The following PTPRB variants were observed in gnomAD, a reference collection of about 807,000 sequenced individuals.
The protein encoded by PTPRB is receptor-type tyrosine-protein phosphatase beta.
PTPRB carries 97 observed loss-of-function variants against 238.1 expected under a neutral mutation model. The ratio of observed to expected loss-of-function variants is 0.41; its 90% confidence interval spans 0.35 to 0.48. The LOEUF is 0.48. Ranked by LOEUF, PTPRB falls within the 20% of genes least tolerant of loss-of-function variation. PTPRB has a pLI of 0.30. For missense variants in PTPRB, 2,292 were observed against 2,681.9 expected (o/e 0.85, Z 3.21); for synonymous variants, 970 against 995.4 (o/e 0.97, Z 0.48).
chr12:70,543,614 G>A (rs1315524645), intron 22 of PTPRB, among the ~76,000 whole-genome samples: 2 of 152,144 alleles, frequency 1.3e-5, no homozygotes, highest in East Asian at 1.9e-4. Context: ...CATGCAGCAC[G>A]AGAGACAGTT....
At position 70,596,219 on chromosome 12, in the gene PTPRB, T is replaced by C. The variant is rs761258616; in HGVS notation, c.1088A>G (p.Gln363Arg). Reference protein sequence around the residue: ...SSGKVTSYEVQLFDENNQKIQ... With the variant: ...SSGKVTSYEVRLFDENNQKIQ... ...CTTTTGGTTATTTTCATCAAATAATTGCACCTCATATGAGGTGACTTTTCC... is the reference window on the plus strand; with the variant it reads ...CTTTTGGTTATTTTCATCAAATAATCGCACCTCATATGAGGTGACTTTTCC... Residue 363 changes from glutamine (Q) to arginine (R), a missense_variant, in exon 5 of 34, where the codon CAA (glutamine) becomes CGA (arginine). Physicochemically the swap from Gln to Arg is conservative, Grantham distance 43 (BLOSUM62 1). This residue lies in a region of PTPRB where 1,205 missense variants were observed against 1,287.8 expected (regional missense o/e 0.94). Coordinates refer to ENST00000334414, the MANE Select transcript of PTPRB (RefSeq NM_001109754.4). 34 of 1,613,606 alleles carry C rather than the reference T, an allele frequency of 2.1e-5. No individual in the cohort carries two copies. Among genetic ancestry groups the C allele is most frequent in the Non-Finnish European group, 2.6e-5 (31 of 1,179,822 alleles).
rs930934603 is a variant in PTPRB at position 70,532,678 on chromosome 12, G to A, written c.6369-508C>T. 4.6e-5 allele frequency among the ~76,000 whole-genome samples: 7 copies of A among 150,894 alleles called. 1 individual carries two copies. The South Asian group carries it at 1.5e-3, about 32-fold the overall frequency. On this transcript the variant is annotated intron_variant, in intron 31 of 33. Transcript: ENST00000334414. Reference sequence around the variant, plus strand: ...TCCGTCCTTCACAGGGTCTTGCTCTGTTGCCCAGGCTGGAGTGCAGTGGCA... The same window carrying A: ...TCCGTCCTTCACAGGGTCTTGCTCTATTGCCCAGGCTGGAGTGCAGTGGCA...
Position 70,534,894 on chromosome 12 carries a change from A to T in PTPRB, c.6143T>A (p.Leu2048Gln). The T allele has an allele frequency of 6.2e-7, 1 of 1,613,966 alleles. No homozygotes were observed. Among genetic ancestry groups the T allele is most frequent in the Non-Finnish European group, 8.5e-7 (1 of 1,179,854 alleles). ...CAGGACGGACTCTGAGAGCATCTGC[A>T]GGATGAGGTCCCCATAGTAGAGGGA... ...QDSLYYGDLI[L>Q]QMLSESVLPE... The change falls in exon 30 of 34, where the codon CTG (leucine) becomes CAG (glutamine). Residue 2048 changes from leucine to glutamine, a missense_variant. Around this residue, in one of 4 missense-constraint regions of PTPRB, gnomAD observed 397 missense variants for 502.0 expected, o/e 0.79. Transcript: ENST00000334414.
chr12:70,534,734 T>A (rs1873826910), intron 30 of PTPRB, 83 bp from the exon 31 acceptor site: 1 of 1,597,718 alleles, frequency 6.3e-7, no homozygotes, highest in Non-Finnish European at 8.6e-7. Context: ...GAGCAACTCC[T>A]ATGGGCTGAA....
At chr12:70,634,508 A>G (rs1885595651) in intron 2 of PTPRB, among the ~76,000 whole-genome samples, 1 of 152,166 alleles carries the variant, frequency 6.6e-6, no homozygotes, top group Admixed American at 6.5e-5. Context: ...TTTGTTACAT[A>G]GGTAAACGTG....
intron 21 of PTPRB, among the ~76,000 whole-genome samples, chr12:70,547,468 C>A (rs1214620167): frequency 6.7e-6 from 1 of 150,268 alleles, no homozygotes; most frequent in Non-Finnish European, 1.5e-5. Flanking sequence ...ATAAGAGTTT[C>A]TTATTTATAA....
chr12:70,622,332 A>C, intron 3 of PTPRB, 58 bp downstream of exon 3: 1 of 1,578,754 alleles, frequency 6.3e-7, no homozygotes, highest in Non-Finnish European at 8.6e-7. Context: ...AAGTCTTTTC[A>C]AGCAATGAGC....
intron 4 of PTPRB, chr12:70,608,675 T>C (rs1036050843): frequency 2.3e-5 from 4 of 173,422 alleles, no homozygotes; most frequent in African/African-American, 7.2e-5. Context: ...AGGAAAGGCA[T>C]ACCCCTAATA....
In PTPRB at chr12:70,555,161, A is replaced by G. The variant is rs754647113; in HGVS notation, c.5142T>C (p.Asp1714=). ...TGGAGTTAACTCATGATAACTTACC[A>G]TCAGCCTCTCTCACCACCACTGTGA... ...KYFTVVVREA[D]GSDELKPEQQ... is the part of the protein sequence containing the mutation. The change falls in exon 20 of 34, where the codon GAT becomes GAC. Residue 1714 remains aspartate (D), a splice_region_variant and synonymous_variant. Transcript: ENST00000334414. 6.2e-7 allele frequency: 1 copy of G among 1,613,468 alleles called. No individual in the cohort carries two copies. Among genetic ancestry groups the G allele is most frequent in the Non-Finnish European group, 8.5e-7 (1 of 1,179,622 alleles).
At chr12:70,577,656 A>G in intron 10 of PTPRB, among the ~76,000 whole-genome samples, 1 of 152,234 alleles carries the variant, frequency 6.6e-6, no homozygotes, top group East Asian at 1.9e-4. Flanking sequence ...TATAATGGAC[A>G]GGATTTGGCT....
At chr12:70,581,666 A>G (rs540237910) in intron 9 of PTPRB, among the ~76,000 whole-genome samples, 1 of 152,250 alleles carries the variant, frequency 6.6e-6, no homozygotes, top group East Asian at 1.9e-4. Flanking sequence ...AAAGCTATCT[A>G]ATCTACCTGA....
intron 28 of PTPRB, among the ~76,000 whole-genome samples, chr12:70,537,540 T>C (rs1874358364): frequency 6.6e-6 from 1 of 152,068 alleles, no homozygotes; most frequent in Non-Finnish European, 1.5e-5. Flanking sequence ...AATTTCTAAG[T>C]GTTTATTGAG....
intron 27 of PTPRB, 80 bp from the exon 28 acceptor site, chr12:70,538,311 G>T: frequency 1.7e-6 from 2 of 1,197,134 alleles, no homozygotes; most frequent in Non-Finnish European, 2.4e-6. Flanking sequence ...CCTTAGCTCT[G>T]ATCCCCACAA....
Position 70,564,368 on chromosome 12 carries a change from C to T in PTPRB, c.3905-1261G>A, listed in dbSNP as rs145072313. On this transcript the variant is annotated intron_variant, in intron 15 of 33. Transcript: ENST00000334414. Reference sequence around the variant, plus strand: ...CTCTACTAAAAATATAAAAATTAGCCGGGTGTAGTGGTGCATACCTGTAGT... The same window carrying T: ...CTCTACTAAAAATATAAAAATTAGCTGGGTGTAGTGGTGCATACCTGTAGT... Among the ~76,000 whole-genome samples the T allele has an allele frequency of 7.3e-3, 1,106 of 151,608 alleles. 3 individuals are homozygous for T. Among genetic ancestry groups the T allele is most frequent in the South Asian group, 0.019 (89 of 4,782 alleles).
chr12:70,538,524 A>T, intron 27 of PTPRB: 1 of 451,256 alleles, frequency 2.2e-6, no homozygotes, highest in Non-Finnish European at 3.9e-6. Context: ...GAATGAATAC[A>T]ATCCAGAAAA....
chr12:70,522,022 T>C (rs987841044), intron 33 of PTPRB, among the ~76,000 whole-genome samples: 4 of 152,126 alleles, frequency 2.6e-5, no homozygotes, highest in Admixed American at 6.5e-5. Context: ...ACAGATCAAT[T>C]AGGGTGTAAT....
chr12:70,539,608 T>G lies in PTPRB; in HGVS notation c.5778+17A>C. 6.7e-7 allele frequency: 1 copy of G among 1,501,660 alleles called. No individual in the cohort carries two copies. The highest frequency in any genetic ancestry group is 1.2e-5 in the South Asian group (1 of 83,610). The allele number at this position is 1,501,660 out of a possible 1,614,324, so 93.0% of individuals were successfully genotyped here. Reference sequence around the variant, plus strand: ...AAGAACTAGGGATGCTGAAGCTTCATTCTGCCTGAGTTGTACCTCGTATTC... The same window carrying G: ...AAGAACTAGGGATGCTGAAGCTTCAGTCTGCCTGAGTTGTACCTCGTATTC... On this transcript the variant is annotated intron_variant, in intron 26 of 33. Coordinates refer to ENST00000334414, the MANE Select transcript of PTPRB (RefSeq NM_001109754.4).
At chr12:70,619,453 T>C (rs1884830335) in intron 3 of PTPRB, among the ~76,000 whole-genome samples, 1 of 152,112 alleles carries the variant, frequency 6.6e-6, no homozygotes, top group Admixed American at 6.6e-5. Context: ...ATTTCTACAC[T>C]CCCTGAATCT....
chr12:70,544,571 A>C lies in PTPRB; in HGVS notation c.5480T>G (p.Ile1827Ser). The C allele has an allele frequency of 6.2e-7, 1 of 1,610,172 alleles. No homozygotes were observed. The highest frequency in any genetic ancestry group is 8.5e-7 in the Non-Finnish European group (1 of 1,177,164). ...GTTAGCCTTACCTGATTCAGTAGTG[A>C]TGGGTAAAGAAAAAAATGTGTCTGA... The part of the protein sequence containing the change: ...LYSDTFFSLP[I>S]TTESEPLFGA... The change falls in exon 22 of 34, where the codon ATC (isoleucine) becomes AGC (serine). Residue 1827 changes from isoleucine to serine, a missense_variant. Ile to Ser is a moderately radical substitution (Grantham distance 142). Coordinates refer to ENST00000334414, the MANE Select transcript of PTPRB (RefSeq NM_001109754.4).
Sources: gnomAD v4.1 joint callset for allele counts (sites outside exome capture counted in the v4.1 genomes callset) on GRCh38, gnomAD v4.1.1 for gene constraint, gnomAD v4.1.1 regional missense constraint, MANE v1.5 for transcripts, NCBI Gene and HGNC (gene_info 2026-07-23, HGNC 2026-07-21) for gene names.